The following FAAH2 variants were observed in gnomAD, a reference collection of about 807,000 sequenced individuals.
FAAH2 encodes the protein fatty-acid amide hydrolase 2.
Under a neutral mutation model 36.9 loss-of-function variants are expected in FAAH2, and 60 were observed. The observed-to-expected ratio is 1.63, with a 90% CI of 1.32 to 2.02. The LOEUF (loss-of-function observed/expected upper bound fraction) is 2.02, where lower values mean the gene tolerates loss of function less well. Among genes scored for constraint, FAAH2 ranks in the 30% most tolerant of loss-of-function variants. The pLI is 0.00. For missense variants in FAAH2, 689 were observed against 397.5 expected (o/e 1.73, Z -6.23); for synonymous variants, 214 against 143.8 (o/e 1.49, Z -3.49).
intron 10 of FAAH2, among the ~76,000 whole-genome samples, chrX:57,465,283 T>A (rs1390829516): frequency 9.0e-6 from 1 of 111,270 alleles, no homozygotes; most frequent in Non-Finnish European, 1.9e-5. Flanking sequence ...TACTAATATA[T>A]GCATATGGAG....
chrX:57,438,563 C>T (rs191695332), intron 8 of FAAH2, among the ~76,000 whole-genome samples: 4 of 109,727 alleles, frequency 3.6e-5, no homozygotes, highest in East Asian at 2.9e-4. Flanking sequence ...GTCATTTTTT[C>T]GAAGAATTAG....
chrX:57,314,330 C>T (rs1480330229), intron 3 of FAAH2, among the ~76,000 whole-genome samples: 1 of 110,938 alleles, frequency 9.0e-6, no homozygotes, highest in Non-Finnish European at 1.9e-5. Flanking sequence ...GACAGATCAT[C>T]GAGGCAGAAA....
At chrX:57,246,767 C>A in the FAAH2 span, among the ~76,000 whole-genome samples, 1 of 111,780 alleles carries the variant, frequency 8.9e-6, no homozygotes, top group South Asian at 3.7e-4. Flanking sequence ...CCTTTCTTTT[C>A]TTGACATGGT....
At chrX:57,359,860 G>A (rs774010492) in intron 5 of FAAH2, among the ~76,000 whole-genome samples, 1 of 111,456 alleles carries the variant, frequency 9.0e-6, no homozygotes, top group Admixed American at 9.5e-5. Context: ...TTGATGGCAG[G>A]TGTAAAGGGG....
At chrX:57,418,559 C>T (rs1265809633) in intron 7 of FAAH2, among the ~76,000 whole-genome samples, 2 of 110,959 alleles carry the variant, frequency 1.8e-5, no homozygotes, top group African/African-American at 3.3e-5. Flanking sequence ...ATGGGCTTCA[C>T]CCACTGTCTA....
intron 5 of FAAH2, among the ~76,000 whole-genome samples, chrX:57,347,874 A>G (rs992703926): frequency 1.8e-5 from 2 of 109,812 alleles, no homozygotes; most frequent in Non-Finnish European, 3.8e-5. Context: ...TTAGGCTGTA[A>G]TCTAGTAAAT....
intron 1 of FAAH2, among the ~76,000 whole-genome samples, chrX:57,292,059 C>T (rs2052000755): frequency 9.0e-6 from 1 of 110,985 alleles, no homozygotes; most frequent in Admixed American, 9.6e-5. Flanking sequence ...GAAACCCTAA[C>T]TTTATGCCCT....
the FAAH2 span, among the ~76,000 whole-genome samples, chrX:57,174,697 T>C: frequency 9.0e-6 from 1 of 111,498 alleles, no homozygotes. Context: ...CATTCAGATT[T>C]TTTGATGTAG....
chrX:57,441,159 G>T (rs1001789747), intron 8 of FAAH2, among the ~76,000 whole-genome samples: 1 of 111,609 alleles, frequency 9.0e-6, no homozygotes, highest in African/African-American at 3.3e-5. Flanking sequence ...TCTATTGATT[G>T]GAATAGTTTC....
the FAAH2 span, among the ~76,000 whole-genome samples, chrX:57,122,197 CAT>C: frequency 8.9e-6 from 1 of 111,835 alleles, no homozygotes; most frequent in African/African-American, 3.3e-5. Context: ...TATTAATGCT[CAT>C]AGTTTTTTTT....
chrX:57,403,176 G>T (rs999002846), intron 7 of FAAH2, among the ~76,000 whole-genome samples: 4 of 111,758 alleles, frequency 3.6e-5, no homozygotes, highest in South Asian at 3.8e-4. Flanking sequence ...TTTTGCCTTG[G>T]GGGGAAGTTT....
At chrX:57,480,955 T>A (rs1694794557) in intron 10 of FAAH2, among the ~76,000 whole-genome samples, 1 of 110,442 alleles carries the variant, frequency 9.1e-6, no homozygotes. Context: ...CTCTTTTTTT[T>A]TTCTAATCTT....
the FAAH2 span, among the ~76,000 whole-genome samples, chrX:57,196,603 A>G: frequency 8.9e-6 from 1 of 111,825 alleles, no homozygotes; most frequent in Admixed American, 9.5e-5. Context: ...ACTATGTTGA[A>G]TAAAAGTGGT....
chrX:57,406,037 G>A (rs1440057578), intron 7 of FAAH2, among the ~76,000 whole-genome samples: 1 of 110,085 alleles, frequency 9.1e-6, no homozygotes, highest in Admixed American at 9.7e-5. Context: ...TACTGCCAGA[G>A]TTCTTGCACT....
At chrX:57,428,964 C>A (rs1009967273) in intron 7 of FAAH2, among the ~76,000 whole-genome samples, 2 of 111,513 alleles carry the variant, frequency 1.8e-5, no homozygotes, top group Non-Finnish European at 3.8e-5. Context: ...ATGGAATAAA[C>A]TATTTACAAA....
In FAAH2 at chrX:57,352,034, A is replaced by G. The variant is rs1306617118; in HGVS notation, c.742+10644A>G. 3.8e-4 allele frequency among the ~76,000 whole-genome samples: 4 copies of G among 10,647 alleles called. 1 individual carries two copies. The highest frequency in any genetic ancestry group is 5.0e-4 in the African/African-American group (4 of 7,992). 9.2% of individuals were successfully genotyped at this position (10,647 alleles called of 115,157 possible). Reference sequence around the variant, plus strand: ...TATGTGTGTGTGTATATATATATATATACATATATATATGTGTATATATAT... The same window carrying G: ...TATGTGTGTGTGTATATATATATATGTACATATATATATGTGTATATATAT... On this transcript the variant is annotated intron_variant, in intron 5 of 10. Coordinates refer to ENST00000374900, the MANE Select transcript of FAAH2 (RefSeq NM_174912.4).
intron 7 of FAAH2, among the ~76,000 whole-genome samples, 193 bp downstream of exon 7, chrX:57,381,222 TG>T (rs1427673754): frequency 9.0e-6 from 1 of 111,500 alleles, no homozygotes; most frequent in Admixed American, 9.5e-5. Context: ...AGTAATGAAA[TG>T]AGTACTTTGA....
the FAAH2 span, among the ~76,000 whole-genome samples, chrX:57,178,359 T>C: frequency 8.9e-6 from 1 of 111,754 alleles, no homozygotes; most frequent in East Asian, 2.8e-4. Flanking sequence ...TGCCTGCAGA[T>C]GTTATAATGT....
At chrX:57,306,689 CTT>C (rs2052531978) in intron 2 of FAAH2, among the ~76,000 whole-genome samples, 3 of 36,275 alleles carry the variant, frequency 8.3e-5, no homozygotes, top group Non-Finnish European at 1.6e-4. Context: ...CTAGCAACAT[CTT>C]GTGTGTGTGT....
Sources: allele counts gnomAD v4.1 joint callset (sites outside exome capture counted in the v4.1 genomes callset), GRCh38; gene constraint gnomAD v4.1.1; transcripts MANE v1.5; gene names NCBI Gene and HGNC (gene_info 2026-07-23, HGNC 2026-07-21).